Variants in LIPA observed in about 807,000 individuals in gnomAD.
LIPA encodes the protein lysosomal acid lipase/cholesteryl ester hydrolase.
In LIPA, 26 loss-of-function variants were observed where a neutral mutation model predicts 40.6. That is an observed-to-expected ratio of 0.64 (90% CI 0.47 to 0.89). The LOEUF (loss-of-function observed/expected upper bound fraction) is 0.89, where lower values mean the gene tolerates loss of function less well. Ranked by LOEUF, LIPA falls within the 40% of genes least tolerant of loss-of-function variation. The pLI, the probability that LIPA is intolerant of heterozygous loss-of-function variation, is 0.00. For missense variants in LIPA, 455 were observed against 479.6 expected (o/e 0.95, Z 0.48); for synonymous variants, 188 against 168.4 (o/e 1.12, Z -0.90).
chr10:89,234,953 G>GGCT (rs1564759427), intron 3 of LIPA, among the ~76,000 whole-genome samples: 1 of 152,262 alleles, frequency 6.6e-6, no homozygotes. Context: ...ACGAGAGCTA[G>GGCT]GAAGCGTGAG....
intron 1 of LIPA, among the ~76,000 whole-genome samples, chr10:89,274,127 G>A (rs1843278618): frequency 6.6e-6 from 1 of 152,182 alleles, no homozygotes; most frequent in South Asian, 2.1e-4. Flanking sequence ...GAGTTTGTGT[G>A]CCAGTGGCCC....
At chr10:89,400,253 A>G (rs1267140541) in intron 2 of LIPA, among the ~76,000 whole-genome samples, 1 of 152,180 alleles carries the variant, frequency 6.6e-6, no homozygotes, top group African/African-American at 2.4e-5. Context: ...TGCTTTGACT[A>G]TTTGAGATCC....
At chr10:89,358,534 A>G (rs1376702168) in intron 2 of LIPA, among the ~76,000 whole-genome samples, 1 of 152,240 alleles carries the variant, frequency 6.6e-6, no homozygotes, top group Non-Finnish European at 1.5e-5. Context: ...CTAAGTGTCC[A>G]TCAGTGGATG....
chr10:89,278,012 A>G (rs993600864), intron 1 of LIPA: 3 of 152,156 alleles, frequency 2.0e-5, no homozygotes, highest in African/African-American at 7.2e-5. Flanking sequence ...CCATTGTGAG[A>G]ACCCCTCATA....
At chr10:89,332,941 C>G (rs1843672506) in intron 1 of LIPA, among the ~76,000 whole-genome samples, 1 of 152,150 alleles carries the variant, frequency 6.6e-6, no homozygotes, top group African/African-American at 2.4e-5. Context: ...AGGGAAGTTA[C>G]TGGAGGTTCT....
intron 2 of LIPA, chr10:89,393,084 A>G (rs967505187): frequency 8.1e-7 from 1 of 1,232,540 alleles, no homozygotes; most frequent in African/African-American, 1.5e-5. Flanking sequence ...AGCTTGTCTG[A>G]GTAGAGGCAT....
chr10:89,397,142 C>T (rs1844355427), intron 2 of LIPA, among the ~76,000 whole-genome samples: 1 of 152,002 alleles, frequency 6.6e-6, no homozygotes, highest in Admixed American at 6.6e-5. Context: ...ACATAATATT[C>T]TATGGTATAG....
chr10:89,365,108 T>C (rs902469759), intron 2 of LIPA, among the ~76,000 whole-genome samples: 3 of 152,152 alleles, frequency 2.0e-5, no homozygotes, highest in African/African-American at 7.2e-5. Context: ...GTAGCTGACA[T>C]GGGTGTAGAA....
chr10:89,377,075 T>C (rs1844127088), intron 2 of LIPA, among the ~76,000 whole-genome samples: 1 of 152,204 alleles, frequency 6.6e-6, no homozygotes, highest in Admixed American at 6.5e-5. Flanking sequence ...CAGGATGACA[T>C]TGTAACAATT....
intron 1 of LIPA, among the ~76,000 whole-genome samples, chr10:89,329,668 T>C (rs1049439139): frequency 3.3e-5 from 5 of 152,188 alleles, no homozygotes; most frequent in Non-Finnish European, 7.4e-5. Flanking sequence ...ACTCTGTTGC[T>C]CCCTTTACAC....
intron 1 of LIPA, chr10:89,340,163 A>G: frequency 6.5e-7 from 1 of 1,539,030 alleles, no homozygotes; most frequent in Non-Finnish European, 8.7e-7. Flanking sequence ...AGAAGCCTGC[A>G]GTGGTGGTTG....
chr10:89,399,908 G>C (rs937964647), intron 2 of LIPA, among the ~76,000 whole-genome samples: 10 of 152,212 alleles, frequency 6.6e-5, no homozygotes, highest in Non-Finnish European at 1.0e-4. Flanking sequence ...ACTTAAGGAT[G>C]CAGCAAGAAG....
chr10:89,369,870 A>G (rs1003615565), intron 2 of LIPA, among the ~76,000 whole-genome samples: 46 of 152,358 alleles, frequency 3.0e-4, no homozygotes, highest in African/African-American at 1.0e-3. Flanking sequence ...AATGCATACT[A>G]TATTCCCCAC....
chr10:89,322,217 A>T (rs1216558452), intron 1 of LIPA, among the ~76,000 whole-genome samples: 1 of 152,202 alleles, frequency 6.6e-6, no homozygotes, highest in Non-Finnish European at 1.5e-5. Flanking sequence ...TTAAAGTAAA[A>T]TTTTAAAAAA....
chr10:89,395,964 A>C (rs975727105), intron 2 of LIPA, among the ~76,000 whole-genome samples: 1 of 152,088 alleles, frequency 6.6e-6, no homozygotes, highest in Admixed American at 6.5e-5. Context: ...GATATATTAC[A>C]TTTTTTTATC....
chr10:89,242,197 A>G (rs932615749), intron 3 of LIPA, among the ~76,000 whole-genome samples: 1 of 152,260 alleles, frequency 6.6e-6, no homozygotes, highest in Non-Finnish European at 1.5e-5. Flanking sequence ...CTGAATTTCA[A>G]TTCCCTTCAG....
intron 1 of LIPA, among the ~76,000 whole-genome samples, chr10:89,281,113 C>A (rs1245073729): frequency 6.6e-6 from 1 of 152,216 alleles, no homozygotes; most frequent in East Asian, 1.9e-4. Flanking sequence ...ATTTGCAACT[C>A]TTGAGAAGGA....
At chr10:89,244,729 T>TA (rs1316563760) in intron 3 of LIPA, among the ~76,000 whole-genome samples, 3 of 152,128 alleles carry the variant, frequency 2.0e-5, no homozygotes, top group Non-Finnish European at 4.4e-5. Flanking sequence ...GCTTGAGTTA[T>TA]AAAATGAGAG....
chr10:89,295,015 T>TGAAAG (rs202189628), intron 1 of LIPA, among the ~76,000 whole-genome samples: 7,419 of 59,352 alleles, frequency 0.12, 331 homozygotes, highest in Middle Eastern at 0.26. Context: ...GGAAAGGAAA[T>TGAAAG]GAAATGAAAG....
Sources: allele counts gnomAD v4.1 joint callset (sites outside exome capture counted in the v4.1 genomes callset), GRCh38; gene constraint gnomAD v4.1.1; transcripts MANE v1.5; gene names NCBI Gene and HGNC (gene_info 2026-07-23, HGNC 2026-07-21).